Variants in TMEM64 observed in about 807,000 individuals in gnomAD.
TMEM64 encodes transmembrane protein 64.
A neutral mutation model predicts 24.5 loss-of-function variants in TMEM64; 19 were observed. The ratio of observed to expected loss-of-function variants is 0.78; its 90% CI spans 0.54 to 1.14. The LOEUF (loss-of-function observed/expected upper bound fraction) is 1.14, where lower values mean the gene tolerates loss of function less well. Among genes scored for constraint, TMEM64 ranks in the 50% most tolerant of loss-of-function variants. The pLI is 0.00. For missense variants in TMEM64, 487 were observed against 493.0 expected (o/e 0.99, Z 0.12); for synonymous variants, 262 against 224.7 (o/e 1.17, Z -1.49).
chr8:90,641,031 TA>T (rs1267060528), intron 1 of TMEM64, among the ~76,000 whole-genome samples: 5 of 152,218 alleles, frequency 3.3e-5, no homozygotes, highest in Admixed American at 2.6e-4. Context: ...TTTATTGCTT[TA>T]AAAATTTTTT....
chr8:90,631,808 G>T (rs1809444359), intron 1 of TMEM64, 101 bp from the exon 2 acceptor site: 1 of 949,004 alleles, frequency 1.1e-6, no homozygotes, highest in Non-Finnish European at 1.6e-6. Flanking sequence ...ATTTCCTCGG[G>T]AAGGAGCTGA....
At chr8:90,644,177 T>C (rs1255658997) in intron 1 of TMEM64, among the ~76,000 whole-genome samples, 1 of 152,212 alleles carries the variant, frequency 6.6e-6, no homozygotes, top group African/African-American at 2.4e-5. Context: ...CATAAACTCT[T>C]GGTAGTTTAG....
intron 2 of TMEM64, 124 bp from the exon 3 acceptor site, chr8:90,625,986 G>A (rs1809353099): frequency 1.5e-6 from 1 of 674,968 alleles, no homozygotes. Flanking sequence ...TAGGTAAAGG[G>A]TTATACATTT....
intron 1 of TMEM64, 136 bp downstream of exon 1, chr8:90,644,975 T>C (rs1809666752): frequency 2.1e-6 from 2 of 966,692 alleles, no homozygotes; most frequent in African/African-American, 3.3e-5. Context: ...CAGGCTGCGA[T>C]GGAAAGTAAT....
Position 90,645,338 on chromosome 8 carries a change from C to T in TMEM64, c.568G>A (p.Gly190Ser), listed in dbSNP as rs1809673410. Residue 190 changes from glycine (G) to serine (S), a missense_variant, in exon 1 of 3, where the codon GGC becomes AGC. Physicochemically the swap from Gly to Ser is moderately conservative, Grantham distance 56. Around this residue, in one of 3 missense-constraint regions of TMEM64, gnomAD observed 419 missense variants for 407.5 expected, o/e 1.03. Transcript: ENST00000458549. This position sits in a 1 kb window ranked among gnomAD's most constrained non-coding sequence, Gnocchi z 4.2. ...ATCAGACCCATGCCCAGCACGAAGC[C>T]GTACAGGTAGCCAGCGGCCACGTTG... Reference protein sequence around the residue: ...VLNVAAGYLYGFVLGMGLMMV... With the variant: ...VLNVAAGYLYSFVLGMGLMMV... 1 of 1,557,876 alleles carries T rather than the reference C, an allele frequency of 6.4e-7. No homozygotes were observed. Among genetic ancestry groups the T allele is most frequent in the Admixed American group, 1.9e-5 (1 of 51,414 alleles).
chr8:90,627,504 TTC>T (rs2130495246), intron 2 of TMEM64, among the ~76,000 whole-genome samples: 1 of 152,238 alleles, frequency 6.6e-6, no homozygotes, highest in South Asian at 2.1e-4. Context: ...AGATGCTACC[TTC>T]TGTTTAAGAC....
chr8:90,636,265 T>C (rs184474848), intron 1 of TMEM64, among the ~76,000 whole-genome samples: 1 of 152,316 alleles, frequency 6.6e-6, no homozygotes. Flanking sequence ...GTTTTATATA[T>C]ATTTTTTTGA....
chr8:90,623,949 C>T lies in TMEM64; in HGVS notation c.*1722G>A, dbSNP rs1369643344. ...TAGATTCAAAAGAGAGAAAAAAAAC[C>T]GAAATGAGTAATTAGGATTCAAAAA... On this transcript the variant is annotated 3_prime_UTR_variant, in exon 3 of 3. Transcript: ENST00000458549. 1.3e-5 allele frequency: 2 copies of T among 150,322 alleles called. No individual in the cohort carries two copies. Among genetic ancestry groups the T allele is most frequent in the African/African-American group, 2.4e-5 (1 of 40,928 alleles). 9.3% of individuals were successfully genotyped at this position (150,322 alleles called of 1,614,324 possible).
At chr8:90,626,632 T>C (rs968553484) in intron 2 of TMEM64, among the ~76,000 whole-genome samples, 85 of 143,914 alleles carry the variant, frequency 5.9e-4, no homozygotes, top group African/African-American at 2.1e-3. Flanking sequence ...TTTCTTTCTT[T>C]TTTTTTTTTT....
At chr8:90,634,714 C>T (rs1231397837) in intron 1 of TMEM64, among the ~76,000 whole-genome samples, 2 of 152,240 alleles carry the variant, frequency 1.3e-5, no homozygotes, top group East Asian at 1.9e-4. Context: ...TATTTCTAAG[C>T]ACTTCATGTT....
chr8:90,638,321 G>A (rs6999898), intron 1 of TMEM64, among the ~76,000 whole-genome samples: 77,748 of 151,860 alleles, frequency 0.51, 22,089 homozygotes, highest in African/African-American at 0.74. Flanking sequence ...GCCTTTCTAC[G>A]TTGTTCCTTC....
chr8:90,640,611 G>A (rs575327506), intron 1 of TMEM64, among the ~76,000 whole-genome samples: 1 of 152,096 alleles, frequency 6.6e-6, no homozygotes, highest in South Asian at 2.1e-4. Flanking sequence ...AGACTATACT[G>A]TATTTGTGGT....
intron 1 of TMEM64, among the ~76,000 whole-genome samples, chr8:90,632,096 T>C (rs911072219): frequency 6.6e-6 from 1 of 152,188 alleles, no homozygotes; most frequent in Non-Finnish European, 1.5e-5. Flanking sequence ...CAGATAACCC[T>C]AGAATGGCAT....
Position 90,624,920 on chromosome 8 carries a change from G to A in TMEM64, c.*751C>T, listed in dbSNP as rs1370804854. 2 of 152,488 alleles carry A rather than the reference G, an allele frequency of 1.3e-5. No individual in the cohort carries two copies. Among genetic ancestry groups the A allele is most frequent in the African/African-American group, 4.8e-5 (2 of 41,416 alleles). 9.4% of individuals were successfully genotyped at this position (152,488 alleles called of 1,614,324 possible). The stretch of plus-strand genomic sequence containing the variant: ...ACAGCCCTTTGATGAAAAATCTAAG[G>A]AGGGTAAAGCCAATGTAACTGAATT... On this transcript the variant is annotated 3_prime_UTR_variant, in exon 3 of 3. Transcript: ENST00000458549.
chr8:90,645,549 C>G lies in TMEM64; in HGVS notation c.357G>C (p.Trp119Cys), dbSNP rs1371219751. The G allele has an allele frequency of 6.5e-7, 1 of 1,547,602 alleles. No homozygotes were observed. Among genetic ancestry groups the G allele is most frequent in the Admixed American group, 2.0e-5 (1 of 50,992 alleles). Residue 119 changes from tryptophan (W) to cysteine (C), a missense_variant, in exon 1 of 3, where the codon TGG (tryptophan) becomes TGC (cysteine). This residue lies in a region of TMEM64 where 419 missense variants were observed against 407.5 expected (regional missense o/e 1.03). Coordinates refer to ENST00000458549, the MANE Select transcript of TMEM64 (RefSeq NM_001008495.4). This position sits in a 1 kb window ranked among gnomAD's most constrained non-coding sequence, Gnocchi z 4.2. ...CGCAGACCAGCACGAGGCTCCGGCACCAACAGGTGCTGCCGAGGCAGCAGC... is the reference window on the plus strand; with the variant it reads ...CGCAGACCAGCACGAGGCTCCGGCAGCAACAGGTGCTGCCGAGGCAGCAGC... Reference protein sequence around the residue: ...WRCCCLGSTCWCRSLVLVCVL... With the variant: ...WRCCCLGSTCCCRSLVLVCVL...
chr8:90,645,682 G>A lies in TMEM64; in HGVS notation c.224C>T (p.Pro75Leu). The A allele has an allele frequency of 2.0e-6, 3 of 1,481,062 alleles. No homozygotes were observed. The highest frequency in any genetic ancestry group is 1.8e-6 in the Non-Finnish European group (2 of 1,124,590). 91.7% of individuals were successfully genotyped at this position (1,481,062 alleles called of 1,614,324 possible). A position where few individuals can be genotyped will look rare whatever the true frequency, so the allele number is the denominator to read the frequency against. Residue 75 changes from proline (P) to leucine (L), a missense_variant, in exon 1 of 3, where the codon CCG (proline) becomes CTG (leucine). Physicochemically the swap from Pro to Leu is moderately conservative, Grantham distance 98. This residue lies in a region of TMEM64 where 419 missense variants were observed against 407.5 expected (regional missense o/e 1.03). Coordinates refer to ENST00000458549, the MANE Select transcript of TMEM64 (RefSeq NM_001008495.4). The surrounding 1 kb of genome is among the most constrained non-coding windows in gnomAD (Gnocchi z 4.2). ...CTCCGGCAGCTCCGAAGCCTCGGGC[G>A]GACCGTGGCGCTCCAGATAGGCGCC... ...LLGAYLERHG[P>L]PEASELPEPG...
intron 1 of TMEM64, among the ~76,000 whole-genome samples, chr8:90,644,452 G>T (rs4265146): frequency 0.17 from 26,101 of 152,156 alleles, 4,763 homozygotes; most frequent in African/African-American, 0.46. Flanking sequence ...TAATGGTGCA[G>T]ATACAGAAGA....
rs1180784764 is a variant in TMEM64 at position 90,645,573 on chromosome 8, G to A, written c.333C>T (p.Cys111=). The stretch of plus-strand genomic sequence containing the variant: ...ACCAACAGGTGCTGCCGAGGCAGCA[G>A]CAGCGCCAGTTTCTCACCTCAGCCA... ...VGVAEVRNWR[C]CCLGSTCWCR... Residue 111 remains cysteine, a synonymous_variant, in exon 1 of 3, where the codon TGC becomes TGT. Coordinates refer to ENST00000458549, the MANE Select transcript of TMEM64 (RefSeq NM_001008495.4). This position sits in a 1 kb window ranked among gnomAD's most constrained non-coding sequence, Gnocchi z 4.2. 34 of 1,543,708 alleles carry A rather than the reference G, an allele frequency of 2.2e-5. No individual in the cohort carries two copies. The highest frequency in any genetic ancestry group is 2.8e-5 in the Non-Finnish European group (32 of 1,146,532).
intron 1 of TMEM64, among the ~76,000 whole-genome samples, chr8:90,642,844 A>C (rs1456194307): frequency 6.6e-6 from 1 of 152,212 alleles, no homozygotes; most frequent in Non-Finnish European, 1.5e-5. Flanking sequence ...TGGGTGACTG[A>C]AGAAGTTCCT....
Sources: gnomAD v4.1 joint callset for allele counts (sites outside exome capture counted in the v4.1 genomes callset) on GRCh38, gnomAD v4.1.1 for gene constraint, gnomAD v4.1.1 regional missense constraint, Gnocchi (gnomAD v3.1) non-coding constraint, MANE v1.5 for transcripts, NCBI Gene and HGNC (gene_info 2026-07-23, HGNC 2026-07-21) for gene names.